GPC5: variants seen among roughly 807,000 people sequenced by gnomAD.
GPC5 encodes glypican 5, also known as glypican-5.
Under a neutral mutation model 53.9 loss-of-function variants are expected in GPC5, and 47 were observed. The ratio of observed to expected loss-of-function variants is 0.87; its 90% CI spans 0.69 to 1.11. The LOEUF (loss-of-function observed/expected upper bound fraction) is 1.11, where lower values mean the gene tolerates loss of function less well. Among genes scored for constraint, GPC5 ranks in the 50% most tolerant of loss-of-function variants. The probability of loss-of-function intolerance (pLI) is 0.00; values close to 1 mark genes in which losing one functional copy is unlikely to be tolerated. For synonymous variants in GPC5, 286 were observed against 263.3 expected, an observed-to-expected ratio of 1.09 and a Z score of -0.84; for missense variants, 748 against 713.1, an observed-to-expected ratio of 1.05 and a Z score of -0.56.
intron 7 of GPC5, among the ~76,000 whole-genome samples, chr13:92,726,915 T>G (rs1260241902): frequency 6.6e-6 from 1 of 151,466 alleles, no homozygotes; most frequent in Non-Finnish European, 1.5e-5. Flanking sequence ...AAAAGAAAAC[T>G]TATTGTGAGA....
At chr13:91,820,236 A>C (rs148679464) in intron 5 of GPC5, among the ~76,000 whole-genome samples, 1 of 152,182 alleles carries the variant, frequency 6.6e-6, no homozygotes, top group Non-Finnish European at 1.5e-5. Flanking sequence ...CAATATTTAT[A>C]TAATGGAATT....
intron 2 of GPC5, among the ~76,000 whole-genome samples, chr13:91,495,767 A>C (rs1884219539): frequency 6.6e-6 from 1 of 152,244 alleles, no homozygotes; most frequent in African/African-American, 2.4e-5. Flanking sequence ...TCACGCCTGG[A>C]ATCCCAGCAC....
chr13:91,540,026 T>A (rs1446890295), intron 2 of GPC5, among the ~76,000 whole-genome samples: 1 of 152,200 alleles, frequency 6.6e-6, no homozygotes, highest in Non-Finnish European at 1.5e-5. Context: ...GCAACAAAAA[T>A]TTTAAAATGT....
intron 6 of GPC5, among the ~76,000 whole-genome samples, chr13:92,015,002 G>C (rs973531056): frequency 1.3e-5 from 2 of 152,078 alleles, no homozygotes; most frequent in African/African-American, 4.8e-5. Flanking sequence ...CAGTCACAGG[G>C]AGGTTCCTTA....
intron 6 of GPC5, among the ~76,000 whole-genome samples, chr13:91,908,694 C>G (rs1430834196): frequency 6.6e-6 from 1 of 151,918 alleles, no homozygotes; most frequent in South Asian, 2.1e-4. Context: ...TTAATTAGAA[C>G]CAAACATTAT....
At chr13:91,531,626 T>C (rs569720323) in intron 2 of GPC5, among the ~76,000 whole-genome samples, 3 of 152,204 alleles carry the variant, frequency 2.0e-5, no homozygotes, top group Non-Finnish European at 4.4e-5. Context: ...AAGACAAACG[T>C]CTTTATACTC....
intron 7 of GPC5, among the ~76,000 whole-genome samples, chr13:92,204,181 T>C (rs1052271261): frequency 2.0e-5 from 3 of 152,158 alleles, no homozygotes; most frequent in South Asian, 2.1e-4. Flanking sequence ...AAAATGATCC[T>C]AGTGAGAGAC....
At chr13:92,615,537 G>A (rs1030625451) in intron 7 of GPC5, among the ~76,000 whole-genome samples, 5 of 152,028 alleles carry the variant, frequency 3.3e-5, no homozygotes, top group African/African-American at 1.2e-4. Flanking sequence ...TCTTTCATTG[G>A]CATTAAGAAG....
intron 7 of GPC5, among the ~76,000 whole-genome samples, chr13:92,159,801 A>T (rs2041973710): frequency 6.6e-6 from 1 of 151,334 alleles, no homozygotes; most frequent in Middle Eastern, 3.4e-3. Flanking sequence ...ACGGGGTTTC[A>T]CTGTGTTAGC....
intron 7 of GPC5, among the ~76,000 whole-genome samples, chr13:92,445,650 A>AT (rs1362263452): frequency 6.6e-6 from 1 of 151,660 alleles, no homozygotes; most frequent in Non-Finnish European, 1.5e-5. Flanking sequence ...TGAACTCATC[A>AT]TTTTTTATGG....
At chr13:91,614,156 G>C (rs1053862929) in intron 2 of GPC5, among the ~76,000 whole-genome samples, 1 of 152,184 alleles carries the variant, frequency 6.6e-6, no homozygotes, top group African/African-American at 2.4e-5. Context: ...GAGTCGAGTG[G>C]GAGATGCAAT....
intron 2 of GPC5, among the ~76,000 whole-genome samples, chr13:91,535,941 C>A (rs1886571798): frequency 6.6e-6 from 1 of 152,168 alleles, no homozygotes. Context: ...AAATAAATAG[C>A]TAATGCTATT....
chr13:91,405,156 C>T (rs1877225991), intron 1 of GPC5, among the ~76,000 whole-genome samples: 1 of 152,236 alleles, frequency 6.6e-6, no homozygotes, highest in Non-Finnish European at 1.5e-5. Flanking sequence ...AACTCCTACA[C>T]AACTCATGGC....
chr13:92,153,575 A>G (rs1282692365), intron 7 of GPC5, among the ~76,000 whole-genome samples: 1 of 152,224 alleles, frequency 6.6e-6, no homozygotes, highest in Non-Finnish European at 1.5e-5. Context: ...GTTCTAAACC[A>G]TCTGGAAAGT....
chr13:92,288,427 A>G (rs2042971159), intron 7 of GPC5, among the ~76,000 whole-genome samples: 1 of 152,156 alleles, frequency 6.6e-6, no homozygotes, highest in African/African-American at 2.4e-5. Context: ...TGAGGGCTGT[A>G]GTTATCATTT....
intron 7 of GPC5, among the ~76,000 whole-genome samples, chr13:92,285,096 T>C (rs1044089258): frequency 6.6e-6 from 1 of 152,028 alleles, no homozygotes; most frequent in Non-Finnish European, 1.5e-5. Context: ...TATACACTAA[T>C]AACAGACAAA....
At chr13:92,613,357 T>A (rs1401850065) in intron 7 of GPC5, among the ~76,000 whole-genome samples, 249 of 93,318 alleles carry the variant, frequency 2.7e-3, no homozygotes, top group African/African-American at 0.01. Context: ...TATAAATATA[T>A]AATATATTTA....
chr13:92,085,782 C>T (rs963318028), intron 6 of GPC5, among the ~76,000 whole-genome samples: 4 of 152,238 alleles, frequency 2.6e-5, no homozygotes, highest in East Asian at 1.9e-4. Flanking sequence ...CTAGATCCCT[C>T]GCATGCTCAG....
At chr13:91,938,335 T>A (rs2039890394) in intron 6 of GPC5, among the ~76,000 whole-genome samples, 1 of 152,022 alleles carries the variant, frequency 6.6e-6, no homozygotes, top group Admixed American at 6.6e-5. Context: ...AACACTCTTT[T>A]AAACAATCAG....
Sources: allele counts gnomAD v4.1 joint callset (sites outside exome capture counted in the v4.1 genomes callset), GRCh38; gene constraint gnomAD v4.1.1; transcripts MANE v1.5; gene names NCBI Gene and HGNC (gene_info 2026-07-23, HGNC 2026-07-21).